Variants in XKR4 observed in about 807,000 individuals in gnomAD.
XKR4 encodes XK-related protein 4.
A neutral mutation model predicts 53.9 loss-of-function variants in XKR4; 12 were observed. That is an observed-to-expected ratio of 0.22 (90% CI 0.14 to 0.36). The LOEUF (loss-of-function observed/expected upper bound fraction) is 0.36, where lower values mean the gene tolerates loss of function less well. XKR4 is among the 10% of genes least tolerant of loss of function. The pLI, the probability that XKR4 is intolerant of heterozygous loss-of-function variation, is 1.00. For missense variants in XKR4, 799 were observed against 859.5 expected, an observed-to-expected ratio of 0.93 and a Z score of 0.88; for synonymous variants, 354 against 362.4, an observed-to-expected ratio of 0.98 and a Z score of 0.26.
intron 1 of XKR4, among the ~76,000 whole-genome samples, chr8:55,338,758 G>A (rs1205729775): frequency 6.6e-6 from 1 of 152,190 alleles, no homozygotes; most frequent in Non-Finnish European, 1.5e-5. Context: ...GAAGCCTGAA[G>A]CTCCTCAACC....
At chr8:55,209,203 A>ATGTGTGTGTG (rs77094773) in intron 1 of XKR4, among the ~76,000 whole-genome samples, 3,392 of 149,292 alleles carry the variant, frequency 0.023, 84 homozygotes, top group Middle Eastern at 0.071. Context: ...CAGTGTGTTT[A>ATGTGTGTGTG]TGTGTGTGTG....
intron 2 of XKR4, among the ~76,000 whole-genome samples, chr8:55,421,869 T>C (rs1351311230): frequency 2.0e-5 from 3 of 152,178 alleles, no homozygotes; most frequent in Non-Finnish European, 4.4e-5. Context: ...AGGTGGCAAA[T>C]GGTAGGGCTC....
intron 2 of XKR4, among the ~76,000 whole-genome samples, chr8:55,410,009 TG>T (rs1804751224): frequency 6.6e-6 from 1 of 150,446 alleles, no homozygotes; most frequent in African/African-American, 2.4e-5. Flanking sequence ...GAGAACAGTC[TG>T]ACTGGAGCAG....
intron 2 of XKR4, among the ~76,000 whole-genome samples, chr8:55,372,531 G>A (rs1563334933): frequency 1.3e-5 from 2 of 151,002 alleles, no homozygotes; most frequent in African/African-American, 4.9e-5. Context: ...TTTTACTATG[G>A]TACTTTCCCA....
At chr8:55,409,995 T>C (rs1804751057) in intron 2 of XKR4, among the ~76,000 whole-genome samples, 2 of 152,116 alleles carry the variant, frequency 1.3e-5, no homozygotes, top group African/African-American at 2.4e-5. Flanking sequence ...CTGAAATAAA[T>C]TGTGAGAACA....
chr8:55,121,397 C>T (rs1816388462), intron 1 of XKR4, among the ~76,000 whole-genome samples: 1 of 152,104 alleles, frequency 6.6e-6, no homozygotes, highest in Admixed American at 6.6e-5. Flanking sequence ...GAGTAGTGAA[C>T]CAGGGCACAC....
chr8:55,370,497 A>G (rs1349771029), intron 2 of XKR4, among the ~76,000 whole-genome samples: 3 of 152,362 alleles, frequency 2.0e-5, no homozygotes, highest in South Asian at 2.1e-4. Context: ...GAGCAGCTTC[A>G]TCTTCATCAG....
rs969925716 is a variant in XKR4, at chr8:55,534,246, G to A, written c.*10019G>A. ...AATAATTTGATTCCTGCCTTCTTAG[G>A]TGGTGACATTAGCAGTTCCAAACCG... On this transcript the variant is annotated 3_prime_UTR_variant, in exon 3 of 3. Transcript: ENST00000327381. The A allele has an allele frequency of 2.0e-5, 3 of 151,544 alleles. No individual in the cohort carries two copies. The highest frequency in any genetic ancestry group is 2.4e-5 in the African/African-American group (1 of 41,212). The allele number at this position is 151,544 out of a possible 1,614,324, so 9.4% of individuals were successfully genotyped here. A position where few individuals can be genotyped will look rare whatever the true frequency, so the allele number is the denominator to read the frequency against.
At position 55,533,513 on chromosome 8, in the gene XKR4, T is replaced by C. The variant is rs986557363; in HGVS notation, c.*9286T>C. 6.6e-6 allele frequency: 1 copy of C among 152,210 alleles called. No individual in the cohort carries two copies. The highest frequency in any genetic ancestry group is 2.4e-5 in the African/African-American group (1 of 41,454). The allele number at this position is 152,210 out of a possible 1,614,324, so 9.4% of individuals were successfully genotyped here. A position where few individuals can be genotyped will look rare whatever the true frequency, so the allele number is the denominator to read the frequency against. ...ATTTTCCACGGTCTGAATCGGAAGC[T>C]TGGGGCTCTGTGGAAAGATGTAAAT... On this transcript the variant is annotated 3_prime_UTR_variant, in exon 3 of 3. Coordinates refer to ENST00000327381, the MANE Select transcript of XKR4 (RefSeq NM_052898.2).
chr8:55,244,020 C>T (rs948348351), intron 1 of XKR4, among the ~76,000 whole-genome samples: 2 of 152,146 alleles, frequency 1.3e-5, no homozygotes, highest in African/African-American at 4.8e-5. Context: ...ACCAAATATC[C>T]AATATTCTGG....
intron 1 of XKR4, among the ~76,000 whole-genome samples, chr8:55,174,819 G>A (rs148670508): frequency 7.3e-4 from 111 of 152,250 alleles, no homozygotes; most frequent in African/African-American, 2.5e-3. Flanking sequence ...GACTGATTCG[G>A]TGGCACCAGA....
At chr8:55,117,101 T>C (rs1356856144) in intron 1 of XKR4, among the ~76,000 whole-genome samples, 1 of 152,220 alleles carries the variant, frequency 6.6e-6, no homozygotes, top group African/African-American at 2.4e-5. Context: ...AAAGTTAATT[T>C]TACTGGTTGT....
chr8:55,479,767 A>T (rs903607615), intron 2 of XKR4, among the ~76,000 whole-genome samples: 5 of 152,202 alleles, frequency 3.3e-5, no homozygotes, highest in African/African-American at 1.2e-4. Flanking sequence ...AATACTATAA[A>T]CACCTCTACA....
At chr8:55,200,724 T>C (rs1817568174) in intron 1 of XKR4, among the ~76,000 whole-genome samples, 1 of 152,224 alleles carries the variant, frequency 6.6e-6, no homozygotes, top group Admixed American at 6.5e-5. Context: ...ATGAAAGTCT[T>C]ACGGGAGAGA....
chr8:55,384,082 G>A (rs779097541), intron 2 of XKR4, among the ~76,000 whole-genome samples: 2 of 152,218 alleles, frequency 1.3e-5, no homozygotes, highest in African/African-American at 4.8e-5. Flanking sequence ...TGTGATTGCA[G>A]AAAAGGGAGA....
At chr8:55,350,955 G>T (rs1465409515) in intron 1 of XKR4, among the ~76,000 whole-genome samples, 4 of 151,892 alleles carry the variant, frequency 2.6e-5, no homozygotes, top group Non-Finnish European at 4.4e-5. Context: ...TGGCAAGGCT[G>T]GTCTCGAACT....
At chr8:55,118,883 A>G (rs1399330487) in intron 1 of XKR4, among the ~76,000 whole-genome samples, 1 of 152,142 alleles carries the variant, frequency 6.6e-6, no homozygotes, top group Non-Finnish European at 1.5e-5. Context: ...TGGCACAAAA[A>G]TTTGTTCTAA....
At chr8:55,436,925 T>TATGC (rs1424821910) in intron 2 of XKR4, among the ~76,000 whole-genome samples, 1 of 152,218 alleles carries the variant, frequency 6.6e-6, no homozygotes, top group African/African-American at 2.4e-5. Flanking sequence ...ACACATTGTA[T>TATGC]ATGCACAGCA....
intron 1 of XKR4, among the ~76,000 whole-genome samples, chr8:55,235,968 AAATT>A (rs1818115547): frequency 6.6e-6 from 1 of 152,216 alleles, no homozygotes; most frequent in Non-Finnish European, 1.5e-5. Flanking sequence ...TCTCTGCATT[AAATT>A]GTTCAGAGGT....
Sources: gnomAD v4.1 joint callset for allele counts (sites outside exome capture counted in the v4.1 genomes callset) on GRCh38, gnomAD v4.1.1 for gene constraint, MANE v1.5 for transcripts, NCBI Gene and HGNC (gene_info 2026-07-23, HGNC 2026-07-21) for gene names.